The following KCNIP4 variants were observed in gnomAD, a reference collection of about 807,000 sequenced individuals.
KCNIP4 encodes Kv channel-interacting protein 4.
A neutral mutation model predicts 34.0 loss-of-function variants in KCNIP4; 12 were observed. The ratio of observed to expected loss-of-function variants is 0.35; its 90% confidence interval spans 0.23 to 0.57. The LOEUF is 0.57. Among genes scored for constraint, KCNIP4 ranks in the 20% least tolerant of loss-of-function variants. The pLI, the probability that KCNIP4 is intolerant of heterozygous loss-of-function variation, is 0.83. For missense variants in KCNIP4, 238 were observed against 311.7 expected, an observed-to-expected ratio of 0.76 and a Z score of 1.78; for synonymous variants, 124 against 102.2, an observed-to-expected ratio of 1.21 and a Z score of -1.29.
intron 1 of KCNIP4, among the ~76,000 whole-genome samples, chr4:21,181,903 C>A (rs1754871250): frequency 6.6e-6 from 1 of 152,066 alleles, no homozygotes; most frequent in South Asian, 2.1e-4. Context: ...TACAATAGTG[C>A]CCTTGGGTCA....
At chr4:21,025,178 A>G (rs1244973390) in intron 1 of KCNIP4, among the ~76,000 whole-genome samples, 2 of 152,148 alleles carry the variant, frequency 1.3e-5, no homozygotes, top group Non-Finnish European at 2.9e-5. Flanking sequence ...GCCAACTGTC[A>G]CAATTTATGA....
At chr4:20,794,389 T>C (rs987074465) in intron 3 of KCNIP4, among the ~76,000 whole-genome samples, 1 of 152,170 alleles carries the variant, frequency 6.6e-6, no homozygotes, top group African/African-American at 2.4e-5. Flanking sequence ...GGTGGCCTGG[T>C]TCCCAGCAAG....
chr4:21,234,068 ATAACATAACATATAACG>A (rs1398939740), intron 1 of KCNIP4, among the ~76,000 whole-genome samples: 6 of 110,354 alleles, frequency 5.4e-5, no homozygotes, highest in Admixed American at 2.1e-4. Flanking sequence ...CATATATAAC[ATAACATAACATATAACG>A]TATATTATAT....
intron 1 of KCNIP4, among the ~76,000 whole-genome samples, chr4:21,023,400 GA>G (rs1429201992): frequency 6.6e-6 from 1 of 151,930 alleles, no homozygotes; most frequent in Non-Finnish European, 1.5e-5. Context: ...ACAAAATGGG[GA>G]AAAATTTTTG....
At chr4:21,581,699 A>G (rs1201843069) in intron 1 of KCNIP4, among the ~76,000 whole-genome samples, 1 of 151,958 alleles carries the variant, frequency 6.6e-6, no homozygotes, top group Admixed American at 6.6e-5. Flanking sequence ...TTTGACTAGC[A>G]TTATTATTTA....
intron 3 of KCNIP4, among the ~76,000 whole-genome samples, chr4:20,811,491 ATG>A (rs754289052): frequency 9.3e-4 from 137 of 147,586 alleles, no homozygotes; most frequent in Middle Eastern, 7.0e-3. Context: ...GTGTGTGTGC[ATG>A]TGTGTGTGTG....
chr4:21,504,487 G>A (rs867827190), intron 1 of KCNIP4, among the ~76,000 whole-genome samples: 2,065 of 90,706 alleles, frequency 0.023, 91 homozygotes, highest in African/African-American at 0.1. Flanking sequence ...AAGAAAGAAA[G>A]AAAGAAAGAA....
chr4:21,697,465 A>G, intron 1 of KCNIP4: 4 of 1,534,610 alleles, frequency 2.6e-6, no homozygotes, highest in Non-Finnish European at 3.5e-6. Context: ...TCCTCTGAGG[A>G]GAGCCAGAAG....
At chr4:21,927,774 G>A (rs1456251899) in intron 1 of KCNIP4, among the ~76,000 whole-genome samples, 1 of 152,092 alleles carries the variant, frequency 6.6e-6, no homozygotes, top group African/African-American at 2.4e-5. Flanking sequence ...CTGACAATGA[G>A]TAGAAAGAAC....
intron 1 of KCNIP4, among the ~76,000 whole-genome samples, chr4:21,247,982 T>TACAC (rs571498756): frequency 1.9e-5 from 2 of 105,092 alleles, no homozygotes; most frequent in Non-Finnish European, 3.5e-5. Flanking sequence ...CATATATATA[T>TACAC]ACACACACAC....
chr4:20,855,240 C>T (rs1183440450), intron 2 of KCNIP4, among the ~76,000 whole-genome samples: 1 of 152,152 alleles, frequency 6.6e-6, no homozygotes, highest in Non-Finnish European at 1.5e-5. Flanking sequence ...GAAGTGGGGT[C>T]AGATAGTGGC....
intron 1 of KCNIP4, among the ~76,000 whole-genome samples, chr4:21,566,965 G>A (rs1342944027): frequency 6.6e-6 from 1 of 152,122 alleles, no homozygotes; most frequent in Non-Finnish European, 1.5e-5. Context: ...GTGTAAATCA[G>A]AAAAGAACTG....
intron 1 of KCNIP4, among the ~76,000 whole-genome samples, chr4:21,215,855 C>T (rs1340145863): frequency 6.6e-6 from 1 of 152,058 alleles, no homozygotes; most frequent in Non-Finnish European, 1.5e-5. Context: ...CTTGCTTTGT[C>T]CCCCAGGCTG....
At chr4:21,880,144 A>C (rs1726382548) in intron 1 of KCNIP4, among the ~76,000 whole-genome samples, 1 of 152,140 alleles carries the variant, frequency 6.6e-6, no homozygotes, top group Admixed American at 6.6e-5. Flanking sequence ...CTTGCTTTTT[A>C]AGGAGATATG....
intron 1 of KCNIP4, among the ~76,000 whole-genome samples, chr4:21,471,134 G>A (rs561984510): frequency 5.5e-4 from 84 of 152,250 alleles, no homozygotes; most frequent in African/African-American, 1.9e-3. Context: ...TTGAGAACTA[G>A]GTTTGTATAA....
At chr4:21,602,243 T>A (rs1743239386) in intron 1 of KCNIP4, among the ~76,000 whole-genome samples, 1 of 152,130 alleles carries the variant, frequency 6.6e-6, no homozygotes, top group African/African-American at 2.4e-5. Flanking sequence ...TTTGCCTTGC[T>A]CCATGTCTCA....
chr4:20,735,518 GTTTTTTTTTTTGTTTTTT>G (rs1441257156), intron 5 of KCNIP4, among the ~76,000 whole-genome samples: 1 of 130,812 alleles, frequency 7.6e-6, no homozygotes, highest in Non-Finnish European at 1.6e-5. Flanking sequence ...TTCATTTAGT[GTTTTTTTTTTTGTTTTTT>G]TTTTTTTTTT....
chr4:21,414,912 G>T (rs773908928), intron 1 of KCNIP4, among the ~76,000 whole-genome samples: 22 of 151,822 alleles, frequency 1.4e-4, no homozygotes, highest in Non-Finnish European at 3.2e-4. Flanking sequence ...GGGTAAATGG[G>T]GTATTCACCT....
At chr4:21,352,026 TG>T (rs1238709820) in intron 1 of KCNIP4, among the ~76,000 whole-genome samples, 2 of 152,136 alleles carry the variant, frequency 1.3e-5, no homozygotes, top group Non-Finnish European at 2.9e-5. Flanking sequence ...TGAGGCCATT[TG>T]GTTGAATAAT....
Sources: allele counts gnomAD v4.1 joint callset (sites outside exome capture counted in the v4.1 genomes callset), GRCh38; gene constraint gnomAD v4.1.1; transcripts MANE v1.5; gene names NCBI Gene and HGNC (gene_info 2026-07-23, HGNC 2026-07-21).